The following GALNT13 variants were observed in gnomAD, a reference collection of about 807,000 sequenced individuals.
GALNT13 encodes the protein UDP-GalNAc:polypeptide N-acetylgalactosaminyltransferase 13.
GALNT13 carries 28 observed loss-of-function variants against 64.2 expected under a neutral mutation model. The ratio of observed to expected loss-of-function variants is 0.44; its 90% CI spans 0.32 to 0.60. The LOEUF (loss-of-function observed/expected upper bound fraction) is 0.60, where lower values mean the gene tolerates loss of function less well. Among genes scored for constraint, GALNT13 ranks in the 20% least tolerant of loss-of-function variants. The pLI, the probability that GALNT13 is intolerant of heterozygous loss-of-function variation, is 0.05. For missense variants in GALNT13, 577 were observed against 669.8 expected (o/e 0.86, Z 1.53); for synonymous variants, 214 against 224.6 (o/e 0.95, Z 0.42).
At chr2:153,599,744 T>A in the GALNT13 span, among the ~76,000 whole-genome samples, 1 of 151,998 alleles carries the variant, frequency 6.6e-6, no homozygotes, top group African/African-American at 2.4e-5. Flanking sequence ...ATATATAGTA[T>A]TTACATTATT....
At chr2:153,190,473 T>G in the GALNT13 span, among the ~76,000 whole-genome samples, 1 of 152,106 alleles carries the variant, frequency 6.6e-6, no homozygotes, top group Non-Finnish European at 1.5e-5. Flanking sequence ...CATGTTGTTT[T>G]GGTTAATAAA....
At chr2:154,126,191 T>C (rs1682251028) in intron 3 of GALNT13, among the ~76,000 whole-genome samples, 2 of 152,142 alleles carry the variant, frequency 1.3e-5, no homozygotes, top group Admixed American at 1.3e-4. Flanking sequence ...TTTGGAATTA[T>C]CATAAATGAT....
chr2:154,445,780 C>G, intron 12 of GALNT13: 1 of 1,285,424 alleles, frequency 7.8e-7, no homozygotes, highest in Non-Finnish European at 1.0e-6. Context: ...ACTGGTCTTT[C>G]ACTAAGTGTT....
chr2:153,172,381 TG>T, the GALNT13 span, among the ~76,000 whole-genome samples: 5 of 151,806 alleles, frequency 3.3e-5, no homozygotes, highest in African/African-American at 1.2e-4. Context: ...GGAGTTAGGG[TG>T]GGGAGCTTGC....
At chr2:153,544,727 G>T in the GALNT13 span, among the ~76,000 whole-genome samples, 1 of 152,164 alleles carries the variant, frequency 6.6e-6, no homozygotes, top group South Asian at 2.1e-4. Flanking sequence ...AGAATACAGT[G>T]TTCTGTAGCT....
At chr2:153,766,282 A>G in the GALNT13 span, among the ~76,000 whole-genome samples, 1 of 151,858 alleles carries the variant, frequency 6.6e-6, no homozygotes, top group African/African-American at 2.4e-5. Flanking sequence ...TGCTATTTTC[A>G]TAACTTTTTT....
chr2:154,191,024 T>C (rs1165117717), intron 4 of GALNT13, among the ~76,000 whole-genome samples: 1 of 152,164 alleles, frequency 6.6e-6, no homozygotes, highest in Non-Finnish European at 1.5e-5. Flanking sequence ...TTCTATCATA[T>C]TGGACTGTGC....
the GALNT13 span, among the ~76,000 whole-genome samples, chr2:153,664,777 G>A: frequency 7.9e-4 from 120 of 152,016 alleles, no homozygotes; most frequent in Non-Finnish European, 1.5e-3. Flanking sequence ...CCCTCTGTTC[G>A]GGGTCCCTGA....
chr2:153,178,799 G>T, the GALNT13 span, among the ~76,000 whole-genome samples: 1 of 135,106 alleles, frequency 7.4e-6, no homozygotes, highest in African/African-American at 2.7e-5. Flanking sequence ...GCAGTGGCAT[G>T]ATCTTGGCTC....
the GALNT13 span, among the ~76,000 whole-genome samples, chr2:153,441,235 T>G: frequency 6.6e-6 from 1 of 152,306 alleles, no homozygotes; most frequent in African/African-American, 2.4e-5. Flanking sequence ...TTGTATCAGG[T>G]TTGTCAAAAA....
the GALNT13 span, among the ~76,000 whole-genome samples, chr2:153,100,026 T>G: frequency 1.3e-5 from 2 of 152,360 alleles, no homozygotes; most frequent in East Asian, 1.9e-4. Context: ...GCTAAAATTC[T>G]TATATGATCC....
chr2:153,896,583 T>C (rs1026391206), intron 1 of GALNT13, among the ~76,000 whole-genome samples: 11 of 152,158 alleles, frequency 7.2e-5, no homozygotes, highest in Admixed American at 1.3e-4. Flanking sequence ...TTTTCTGATT[T>C]ATTTATTTTT....
chr2:154,051,304 G>A (rs1173359358), intron 3 of GALNT13, among the ~76,000 whole-genome samples: 2 of 89,970 alleles, frequency 2.2e-5, no homozygotes, highest in African/African-American at 4.5e-5. Flanking sequence ...TTTTTTTTGA[G>A]ACGGAGTCTC....
At chr2:153,391,168 G>A in the GALNT13 span, among the ~76,000 whole-genome samples, 1 of 152,024 alleles carries the variant, frequency 6.6e-6, no homozygotes, top group African/African-American at 2.4e-5. Context: ...CTTTTACTCT[G>A]AGGGAAATGA....
intron 2 of GALNT13, among the ~76,000 whole-genome samples, chr2:153,913,293 G>C (rs1689103762): frequency 6.6e-6 from 1 of 152,120 alleles, no homozygotes; most frequent in Non-Finnish European, 1.5e-5. Flanking sequence ...CAGGTGGGGT[G>C]GGGGGCAGCA....
At chr2:153,455,403 C>T in the GALNT13 span, among the ~76,000 whole-genome samples, 1 of 152,214 alleles carries the variant, frequency 6.6e-6, no homozygotes, top group African/African-American at 2.4e-5. Flanking sequence ...CGGATCTCAA[C>T]TCCTCCGCTG....
At chr2:154,383,216 C>G (rs745393203) in intron 9 of GALNT13, among the ~76,000 whole-genome samples, 11 of 151,884 alleles carry the variant, frequency 7.2e-5, no homozygotes, top group Admixed American at 2.0e-4. Context: ...GGTGCATATA[C>G]ACAAGAAAAC....
the GALNT13 span, among the ~76,000 whole-genome samples, chr2:153,318,492 C>G: frequency 5.3e-5 from 8 of 152,294 alleles, no homozygotes; most frequent in African/African-American, 1.9e-4. Context: ...TTTGCAAGTC[C>G]TGTAAGCTCT....
the GALNT13 span, among the ~76,000 whole-genome samples, chr2:153,526,713 G>A: frequency 6.6e-6 from 1 of 152,096 alleles, no homozygotes; most frequent in Non-Finnish European, 1.5e-5. Context: ...TAAGGCATCA[G>A]AGACCAGTTA....
Sources: allele counts gnomAD v4.1 joint callset (sites outside exome capture counted in the v4.1 genomes callset), GRCh38; gene constraint gnomAD v4.1.1; transcripts MANE v1.5; gene names NCBI Gene and HGNC (gene_info 2026-07-23, HGNC 2026-07-21).